RNGTT: variants seen among roughly 807,000 people sequenced by gnomAD.
RNGTT encodes RNA guanylyltransferase and 5'-phosphatase, also known as mRNA-capping enzyme.
A neutral mutation model predicts 79.3 loss-of-function variants in RNGTT; 33 were observed. That is an observed-to-expected ratio of 0.42 (90% confidence interval 0.32 to 0.56). The LOEUF is 0.56. RNGTT is among the 20% of genes least tolerant of loss of function. The probability of loss-of-function intolerance (pLI) is 0.17; values close to 1 mark genes in which losing one functional copy is unlikely to be tolerated. For synonymous variants in RNGTT, 222 were observed against 235.9 expected (o/e 0.94, Z 0.54); for missense variants, 497 against 739.1 (o/e 0.67, Z 3.80).
intron 13 of RNGTT, among the ~76,000 whole-genome samples, chr6:88,757,855 C>T (rs1778071896): frequency 6.6e-6 from 1 of 152,108 alleles, no homozygotes; most frequent in Non-Finnish European, 1.5e-5. Context: ...AAAGTTAATT[C>T]TAAACTCTTT....
chr6:88,664,293 A>AT (rs1372461812), intron 14 of RNGTT, among the ~76,000 whole-genome samples: 1 of 152,222 alleles, frequency 6.6e-6, no homozygotes, highest in Non-Finnish European at 1.5e-5. Flanking sequence ...AGACTGTGTG[A>AT]GGCCTATCGC....
At chr6:88,795,325 T>C (rs529705974) in intron 12 of RNGTT, among the ~76,000 whole-genome samples, 5 of 152,260 alleles carry the variant, frequency 3.3e-5, no homozygotes, top group African/African-American at 1.2e-4. Flanking sequence ...GCACAAAAAA[T>C]GGTTTCCATC....
In RNGTT at chr6:88,887,036, C is replaced by T. The variant is rs190165620; in HGVS notation, c.896+3459G>A. 2.0e-4 allele frequency among the ~76,000 whole-genome samples: 22 copies of T among 110,918 alleles called. 1 individual carries two copies. The highest frequency in any genetic ancestry group is 6.1e-4 in the African/African-American group (18 of 29,344). 72.8% of individuals were successfully genotyped at this position (110,918 alleles called of 152,430 possible). ...GACCATCCTGAGCAACATAGCAAAA[C>T]ACAATTTCTTTAAAAAAAAAAAAAA... On this transcript the variant is annotated intron_variant, in intron 8 of 15. Coordinates refer to ENST00000369485, the MANE Select transcript of RNGTT (RefSeq NM_003800.5).
At chr6:88,761,610 T>A (rs1020257056) in intron 13 of RNGTT, among the ~76,000 whole-genome samples, 2 of 152,138 alleles carry the variant, frequency 1.3e-5, no homozygotes, top group Non-Finnish European at 2.9e-5. Flanking sequence ...AATCCACAGT[T>A]GGCAAACTAT....
intron 14 of RNGTT, among the ~76,000 whole-genome samples, chr6:88,664,798 C>T (rs925835677): frequency 1.3e-5 from 2 of 152,110 alleles, no homozygotes; most frequent in African/African-American, 4.8e-5. Context: ...GCTCACGTGC[C>T]CCCAAGGAGC....
intron 14 of RNGTT, among the ~76,000 whole-genome samples, chr6:88,626,026 A>G (rs1472336014): frequency 1.3e-5 from 2 of 152,008 alleles, no homozygotes; most frequent in Admixed American, 6.6e-5. Flanking sequence ...TGCATTATTT[A>G]TTTAATGCTC....
intron 13 of RNGTT, among the ~76,000 whole-genome samples, chr6:88,708,106 A>G (rs1177194029): frequency 4.6e-5 from 7 of 151,902 alleles, no homozygotes; most frequent in Non-Finnish European, 1.5e-5. Flanking sequence ...ATATGAATAC[A>G]CTTTGTAACT....
chr6:88,660,678 T>C (rs574238645), intron 14 of RNGTT, among the ~76,000 whole-genome samples: 111 of 152,240 alleles, frequency 7.3e-4, no homozygotes, highest in African/African-American at 2.6e-3. Flanking sequence ...CAATTACTAC[T>C]AGACCTAAGA....
chr6:88,813,171 G>A (rs535418622), intron 11 of RNGTT, among the ~76,000 whole-genome samples: 32 of 152,232 alleles, frequency 2.1e-4, no homozygotes. Flanking sequence ...TTAAAACCTG[G>A]CTGAAATCAA....
intron 13 of RNGTT, among the ~76,000 whole-genome samples, chr6:88,693,418 C>T (rs766825878): frequency 1.7e-4 from 26 of 151,986 alleles, no homozygotes; most frequent in Non-Finnish European, 2.7e-4. Context: ...TGAATCATAA[C>T]GAAATAGAAA....
At chr6:88,655,088 T>G (rs983589734) in intron 14 of RNGTT, among the ~76,000 whole-genome samples, 1 of 152,170 alleles carries the variant, frequency 6.6e-6, no homozygotes, top group Non-Finnish European at 1.5e-5. Context: ...AAAATAAGTA[T>G]TGATCTAATA....
chr6:88,748,235 TC>T (rs1777728321), intron 13 of RNGTT, among the ~76,000 whole-genome samples: 1 of 150,484 alleles, frequency 6.6e-6, no homozygotes, highest in Non-Finnish European at 1.5e-5. Flanking sequence ...GCCTCCTACT[TC>T]CCTCAGAGTA....
intron 12 of RNGTT, among the ~76,000 whole-genome samples, chr6:88,777,088 C>G (rs2127847137): frequency 6.6e-6 from 1 of 152,306 alleles, no homozygotes; most frequent in East Asian, 1.9e-4. Flanking sequence ...TCCCCAACAT[C>G]ATTTACTGAA....
chr6:88,834,761 C>A (rs1328022301), intron 11 of RNGTT, among the ~76,000 whole-genome samples: 4 of 151,886 alleles, frequency 2.6e-5, no homozygotes, highest in Non-Finnish European at 5.9e-5. Context: ...TGAACAGACA[C>A]TTAAGAACTT....
At chr6:88,826,816 A>ATG (rs1254094074) in intron 11 of RNGTT, among the ~76,000 whole-genome samples, 2,333 of 91,990 alleles carry the variant, frequency 0.025, 80 homozygotes, top group African/African-American at 0.096. Flanking sequence ...ATATATATAT[A>ATG]TGTGTGTGTA....
chr6:88,901,006 G>A (rs938090915), intron 6 of RNGTT, among the ~76,000 whole-genome samples: 17 of 151,900 alleles, frequency 1.1e-4, no homozygotes, highest in African/African-American at 3.6e-4. Flanking sequence ...GCTGGGTGTG[G>A]TGGTGCACAC....
Position 88,902,688 on chromosome 6 carries a change from A to AT in RNGTT, c.684+2026dup, listed in dbSNP as rs1235480770. Among the ~76,000 whole-genome samples the AT allele has an allele frequency of 1.0e-3, 128 of 123,514 alleles. 2 individuals are homozygous for AT. The highest frequency in any genetic ancestry group is 3.9e-3 in the African/African-American group (116 of 29,526). The allele number at this position is 123,514 out of a possible 152,430, so 81.0% of individuals were successfully genotyped here. On this transcript the variant is annotated intron_variant, in intron 6 of 15. Transcript: ENST00000369485. ...AGCCTTTAAAAAGATGTATAGTGAA[A>AT]TCTTTTTTTTTTTTTTTTTTTTTTT...
chr6:88,748,818 G>T (rs571401978), intron 13 of RNGTT, among the ~76,000 whole-genome samples: 2 of 151,962 alleles, frequency 1.3e-5, no homozygotes, highest in South Asian at 4.1e-4. Context: ...GAAAAGCTCA[G>T]AAATGATGAA....
At chr6:88,926,268 T>C (rs1784315234) in intron 4 of RNGTT, among the ~76,000 whole-genome samples, 1 of 152,216 alleles carries the variant, frequency 6.6e-6, no homozygotes, top group Admixed American at 6.5e-5. Flanking sequence ...GTGCTATCAG[T>C]TCCATTGCTT....
Sources: allele counts gnomAD v4.1 joint callset (sites outside exome capture counted in the v4.1 genomes callset), GRCh38; gene constraint gnomAD v4.1.1; transcripts MANE v1.5; gene names NCBI Gene and HGNC (gene_info 2026-07-23, HGNC 2026-07-21).